The following CCDC180 variants were observed in gnomAD, a reference collection of about 807,000 sequenced individuals.
CCDC180 encodes the protein coiled-coil domain containing 180, also known as coiled-coil domain-containing protein 180.
CCDC180 carries 154 observed loss-of-function variants against 209.2 expected under a neutral mutation model. The observed-to-expected ratio is 0.74, with a 90% CI of 0.65 to 0.84. The LOEUF (loss-of-function observed/expected upper bound fraction) is 0.84, where lower values mean the gene tolerates loss of function less well. Ranked by LOEUF, CCDC180 falls within the 40% of genes least tolerant of loss-of-function variation. The pLI is 0.00. For missense variants in CCDC180, 1,874 were observed against 1,997.3 expected (o/e 0.94, Z 1.18); for synonymous variants, 778 against 749.1 (o/e 1.04, Z -0.63).
intron 36 of CCDC180, chr9:97,376,508 C>G (rs1442753559): frequency 2.6e-6 from 1 of 382,466 alleles, no homozygotes; most frequent in African/African-American, 2.1e-5. Context: ...CAGATAGACA[C>G]AGGTCCTAGT....
Position 97,370,208 on chromosome 9 carries a change from T to G in CCDC180, c.4350+126T>G, listed in dbSNP as rs1827040454. On this transcript the variant is annotated intron_variant, in intron 32 of 36. Coordinates refer to ENST00000529487, the MANE Select transcript of CCDC180 (RefSeq NM_020893.6). ...GTGAGCTTGGCTTGGGATTTTTGGA[T>G]GGGGGCTGAGGGACAGGAGCCATTG... 2 of 1,067,332 alleles carry G rather than the reference T, an allele frequency of 1.9e-6. 1 individual carries two copies. Among genetic ancestry groups the G allele is most frequent in the Admixed American group, 5.6e-5 (2 of 35,892 alleles). 66.1% of individuals were successfully genotyped at this position (1,067,332 alleles called of 1,614,324 possible). A position where few individuals can be genotyped will look rare whatever the true frequency, so the allele number is the denominator to read the frequency against.
In CCDC180 at chr9:97,330,465, G is replaced by T. The variant is rs1416674182; in HGVS notation, c.1972G>T (p.Asp658Tyr). Residue 658 changes from aspartate to tyrosine, a missense_variant, in exon 18 of 37, where the codon GAT becomes TAT. Asp to Tyr is a radical substitution (Grantham distance 160). Transcript: ENST00000529487. ...AGTAGAAGAGGTGGAAGAAGAAAAC[G>T]ATCAAGAAATGGAGTCCTTCATAAC... is the stretch of plus-strand genomic sequence containing the variant. Reference protein sequence around the residue: ...RSVEEVEEENDQEMESFITEE... With the variant: ...RSVEEVEEENYQEMESFITEE... 1.9e-6 allele frequency: 3 copies of T among 1,614,006 alleles called. No individual in the cohort carries two copies. The highest frequency in any genetic ancestry group is 1.3e-5 in the African/African-American group (1 of 74,912).
Position 97,314,639 on chromosome 9 carries a change from A to G in CCDC180, c.610A>G (p.Lys204Glu). 1 of 1,614,010 alleles carries G rather than the reference A, an allele frequency of 6.2e-7. No homozygotes were observed. Among genetic ancestry groups the G allele is most frequent in the Non-Finnish European group, 8.5e-7 (1 of 1,179,976 alleles). ...TIQALLELWD[K>E]VAGRLLLRKQ... Reference sequence around the variant, plus strand: ...GTAGGCCCTGCTGGAGCTGTGGGATAAGGTGGCCGGGCGGTTACTGCTCCG... The same window carrying G: ...GTAGGCCCTGCTGGAGCTGTGGGATGAGGTGGCCGGGCGGTTACTGCTCCG... Residue 204 changes from lysine (K) to glutamate (E), a missense_variant, in exon 7 of 37, where the codon AAG becomes GAG. Coordinates refer to ENST00000529487, the MANE Select transcript of CCDC180 (RefSeq NM_020893.6).
At position 97,362,355 on chromosome 9, in the gene CCDC180, A is replaced by G. The variant is rs1826786722; in HGVS notation, c.3816A>G (p.Ser1272=). The G allele has an allele frequency of 2.5e-6, 4 of 1,613,940 alleles. No homozygotes were observed. The East Asian group carries it at 6.7e-5, about 27-fold the overall frequency. ...PVLCSCPGPS[S]PKGFKRHRCQ... ...TCTGCTCCTGTCCTGGGCCCTCGTC[A>G]CCCAAAGGCTTCAAGCGACATCGGT... Residue 1272 remains serine, a synonymous_variant, in exon 28 of 37, where the codon TCA becomes TCG. Coordinates refer to ENST00000529487, the MANE Select transcript of CCDC180 (RefSeq NM_020893.6).
intron 31 of CCDC180, chr9:97,369,567 C>T (rs1827019980): frequency 5.1e-6 from 1 of 195,102 alleles, no homozygotes. Context: ...AGCAATCCTC[C>T]CACTTCAGCC....
At chr9:97,315,326 C>G (rs1480773827) in intron 8 of CCDC180, among the ~76,000 whole-genome samples, 1 of 152,140 alleles carries the variant, frequency 6.6e-6, no homozygotes, top group African/African-American at 2.4e-5. Flanking sequence ...ACGGTGGTCT[C>G]AGGGTGGTTT....
At chr9:97,353,995 C>CTTT (rs33935021) in intron 22 of CCDC180, among the ~76,000 whole-genome samples, 4 of 120,164 alleles carry the variant, frequency 3.3e-5, no homozygotes, top group Non-Finnish European at 6.8e-5. Context: ...ATCTGGAATT[C>CTTT]TTTTTTTTTT....
intron 10 of CCDC180, among the ~76,000 whole-genome samples, chr9:97,319,130 G>A (rs543843672): frequency 2.0e-5 from 3 of 152,148 alleles, no homozygotes; most frequent in Admixed American, 6.5e-5. Flanking sequence ...GAGTTGGCCT[G>A]CTTAGTCTGA....
chr9:97,338,554 C>T (rs1825980199), intron 18 of CCDC180, among the ~76,000 whole-genome samples: 1 of 152,172 alleles, frequency 6.6e-6, no homozygotes, highest in Non-Finnish European at 1.5e-5. Flanking sequence ...TGTTCTTTTA[C>T]ATTTGCTGAG....
chr9:97,374,724 C>T, intron 35 of CCDC180, 76 bp downstream of exon 35: 2 of 1,191,880 alleles, frequency 1.7e-6, no homozygotes, highest in South Asian at 2.6e-5. Flanking sequence ...TGGTTAGGGG[C>T]TTGGACTCTG....
Position 97,370,677 on chromosome 9 carries a change from C to T in CCDC180, c.4387C>T (p.His1463Tyr). ...NAQKLHLNLG[H>Y]PVHFQEMESL... ...CCAGAAGCTCCATCTAAATCTTGGA[C>T]ACCCCGTACATTTCCAAGAAATGGA... Residue 1463 changes from histidine (H) to tyrosine (Y), a missense_variant, in exon 33 of 37, where the codon CAC (histidine) becomes TAC (tyrosine). By Grantham distance (83) the His-to-Tyr change is moderately conservative (BLOSUM62 2). Transcript: ENST00000529487. The T allele has an allele frequency of 3.1e-6, 5 of 1,614,074 alleles. No homozygotes were observed. The highest frequency in any genetic ancestry group is 4.2e-6 in the Non-Finnish European group (5 of 1,179,984).
intron 2 of CCDC180, 129 bp from the exon 3 acceptor site, chr9:97,309,285 G>C (rs1196895804): frequency 1.3e-5 from 10 of 789,572 alleles, no homozygotes; most frequent in African/African-American, 5.4e-5. Flanking sequence ...GGGGCTGAAG[G>C]CCTCCTGAAA....
In CCDC180 at chr9:97,308,008, T is replaced by C. The variant is rs761521861; in HGVS notation, c.-56T>C. On this transcript the variant is annotated 5_prime_UTR_variant, in exon 2 of 37. Transcript: ENST00000529487. ...GAATTGGAATTGAGACACCAAAGCCTAGACGCGTTTCCTGGACGACGGCTT... is the reference window on the plus strand; with the variant it reads ...GAATTGGAATTGAGACACCAAAGCCCAGACGCGTTTCCTGGACGACGGCTT... The C allele has an allele frequency of 1.9e-6, 3 of 1,608,636 alleles. No homozygotes were observed. The highest frequency in any genetic ancestry group is 1.7e-6 in the Non-Finnish European group (2 of 1,177,518).
chr9:97,371,942 G>A (rs1276297588), intron 34 of CCDC180: 2 of 321,806 alleles, frequency 6.2e-6, no homozygotes, highest in Admixed American at 4.5e-5. Context: ...ATACTCTTGG[G>A]GTTAGGGATA....
At chr9:97,374,242 A>C in intron 34 of CCDC180, 1 of 349,254 alleles carries the variant, frequency 2.9e-6, no homozygotes, top group Non-Finnish European at 5.3e-6. Context: ...GTCTCTATGA[A>C]CCATATCCGG....
intron 19 of CCDC180, among the ~76,000 whole-genome samples, chr9:97,346,547 G>C (rs1027835244): frequency 2.0e-5 from 3 of 152,174 alleles, no homozygotes; most frequent in African/African-American, 2.4e-5. Flanking sequence ...TGTAAAAAAA[G>C]AACAGCTATT....
Position 97,314,854 on chromosome 9 carries a change from A to G in CCDC180, c.703A>G (p.Lys235Glu). The G allele has an allele frequency of 3.1e-6, 5 of 1,613,726 alleles. No homozygotes were observed. Among genetic ancestry groups the G allele is most frequent in the Non-Finnish European group, 4.2e-6 (5 of 1,179,622 alleles). The change falls in exon 8 of 37, where the codon AAA (lysine) becomes GAA (glutamate). Residue 235 changes from lysine (K) to glutamate (E), a missense_variant. Coordinates refer to ENST00000529487, the MANE Select transcript of CCDC180 (RefSeq NM_020893.6). Reference sequence around the variant, plus strand: ...TATGGTGCCTTGTCATTTCTAGCTAAAAAGCGTGTTGAAGAAATATGCAGA... The same window carrying G: ...TATGGTGCCTTGTCATTTCTAGCTAGAAAGCGTGTTGAAGAAATATGCAGA... ...SLEFSRTDKLKSVLKKYAEVI... is the reference protein window; with the variant it reads ...SLEFSRTDKLESVLKKYAEVI...
intron 28 of CCDC180, among the ~76,000 whole-genome samples, chr9:97,362,994 G>A (rs1045680577): frequency 6.6e-6 from 1 of 152,242 alleles, no homozygotes; most frequent in Non-Finnish European, 1.5e-5. Flanking sequence ...CATGAGAAGA[G>A]CAAAGGCTAT....
chr9:97,376,897 C>A lies in CCDC180; in HGVS notation c.*3C>A, dbSNP rs1339335894. ...CTATCCAAGGCCTGTATGTGTGACC[C>A]TCCGCCCCACCATGAATAAACACTT... On this transcript the variant is annotated 3_prime_UTR_variant, in exon 37 of 37. Coordinates refer to ENST00000529487, the MANE Select transcript of CCDC180 (RefSeq NM_020893.6). The A allele has an allele frequency of 1.9e-6, 3 of 1,609,790 alleles. No homozygotes were observed. The highest frequency in any genetic ancestry group is 2.5e-6 in the Non-Finnish European group (3 of 1,179,066).
Sources: allele counts gnomAD v4.1 joint callset (sites outside exome capture counted in the v4.1 genomes callset), GRCh38; gene constraint gnomAD v4.1.1; transcripts MANE v1.5; gene names NCBI Gene and HGNC (gene_info 2026-07-23, HGNC 2026-07-21).